CAMK4: variants seen among roughly 807,000 people sequenced by gnomAD.
CAMK4 encodes the protein calcium/calmodulin-dependent protein kinase type IV.
A neutral mutation model predicts 44.9 loss-of-function variants in CAMK4; 22 were observed. That is an observed-to-expected ratio of 0.49 (90% CI 0.35 to 0.70). The LOEUF (loss-of-function observed/expected upper bound fraction) is 0.70. Among genes scored for constraint, CAMK4 ranks in the 30% least tolerant of loss-of-function variants. The probability of loss-of-function intolerance (pLI) is 0.01; values close to 1 mark genes in which losing one functional copy is unlikely to be tolerated. For missense variants in CAMK4, 498 were observed against 586.8 expected, an observed-to-expected ratio of 0.85 and a Z score of 1.56; for synonymous variants, 218 against 215.4, an observed-to-expected ratio of 1.01 and a Z score of -0.11.
intron 1 of CAMK4, among the ~76,000 whole-genome samples, chr5:111,310,232 C>A (rs1441300357): frequency 6.6e-6 from 1 of 152,188 alleles, no homozygotes; most frequent in East Asian, 1.9e-4. Context: ...ATCACTGTTT[C>A]TACCTCCTCA....
intron 2 of CAMK4, among the ~76,000 whole-genome samples, chr5:111,351,884 G>A (rs1750124013): frequency 6.6e-6 from 1 of 152,118 alleles, no homozygotes; most frequent in South Asian, 2.1e-4. Flanking sequence ...AGTTCTGGAG[G>A]CTGAGAAGTC....
chr5:111,225,104 C>T (rs1160102048), intron 1 of CAMK4, among the ~76,000 whole-genome samples: 1 of 152,170 alleles, frequency 6.6e-6, no homozygotes, highest in Admixed American at 6.5e-5. Flanking sequence ...AAGCAAGTGA[C>T]ACGAGAAATT....
intron 4 of CAMK4, among the ~76,000 whole-genome samples, chr5:111,391,169 T>C (rs1285095125): frequency 6.6e-6 from 1 of 152,072 alleles, no homozygotes; most frequent in Non-Finnish European, 1.5e-5. Context: ...GAAAAACTGC[T>C]AGGAAGAGAA....
At chr5:111,399,923 G>T (rs1752161122) in intron 5 of CAMK4, among the ~76,000 whole-genome samples, 1 of 152,066 alleles carries the variant, frequency 6.6e-6, no homozygotes, top group African/African-American at 2.4e-5. Context: ...TTCAATTGGT[G>T]AAAAATGGAT....
At chr5:111,281,758 C>T (rs899567184) in intron 1 of CAMK4, among the ~76,000 whole-genome samples, 2 of 152,170 alleles carry the variant, frequency 1.3e-5, no homozygotes, top group Admixed American at 6.5e-5. Context: ...CTAAAATTGA[C>T]AAGAAATTTT....
chr5:111,431,903 A>G (rs941654573), intron 5 of CAMK4, among the ~76,000 whole-genome samples: 2 of 152,108 alleles, frequency 1.3e-5, no homozygotes, highest in Non-Finnish European at 2.9e-5. Flanking sequence ...CCCTTGTACA[A>G]CGTTGTTGAG....
intron 5 of CAMK4, among the ~76,000 whole-genome samples, chr5:111,397,260 T>C (rs986559981): frequency 1.3e-5 from 2 of 152,172 alleles, no homozygotes; most frequent in Admixed American, 1.3e-4. Context: ...TTTAGTCTTG[T>C]AAAATAGGCA....
intron 5 of CAMK4, among the ~76,000 whole-genome samples, chr5:111,401,339 A>C (rs1486624862): frequency 6.6e-6 from 1 of 152,112 alleles, no homozygotes. Flanking sequence ...GGATTTCACT[A>C]TGTAGGCCAG....
At chr5:111,445,687 C>T (rs1299418559) in intron 5 of CAMK4, among the ~76,000 whole-genome samples, 2 of 152,118 alleles carry the variant, frequency 1.3e-5, no homozygotes, top group African/African-American at 4.8e-5. Context: ...CTCGGCCCAC[C>T]GAATTGCTGG....
intron 1 of CAMK4, among the ~76,000 whole-genome samples, chr5:111,281,221 C>T (rs1432961631): frequency 6.6e-6 from 1 of 152,158 alleles, no homozygotes. Context: ...CTGATGGTGA[C>T]ATGCTGGACA....
At chr5:111,399,832 C>T (rs1202324632) in intron 5 of CAMK4, among the ~76,000 whole-genome samples, 2 of 152,166 alleles carry the variant, frequency 1.3e-5, no homozygotes, top group African/African-American at 2.4e-5. Flanking sequence ...CAGATCAGCT[C>T]TTGATTCTTT....
At chr5:111,453,884 T>TGGCTCC (rs1754322687) in intron 7 of CAMK4, among the ~76,000 whole-genome samples, 2 of 151,946 alleles carry the variant, frequency 1.3e-5, no homozygotes, top group Non-Finnish European at 2.9e-5. Flanking sequence ...CTCCTGGCTC[T>TGGCTCC]TGGCCCTGGG....
intron 2 of CAMK4, among the ~76,000 whole-genome samples, chr5:111,349,539 G>A (rs1320132079): frequency 1.3e-5 from 2 of 151,834 alleles, no homozygotes; most frequent in African/African-American, 2.4e-5. Flanking sequence ...AAATAAATTC[G>A]AGAAAGTGTC....
At chr5:111,425,036 C>A (rs994602601) in intron 5 of CAMK4, among the ~76,000 whole-genome samples, 5 of 151,750 alleles carry the variant, frequency 3.3e-5, no homozygotes, top group Admixed American at 2.6e-4. Flanking sequence ...TGGTGGCATG[C>A]ACTTGTAGCC....
intron 1 of CAMK4, among the ~76,000 whole-genome samples, chr5:111,261,099 G>A (rs572972751): frequency 6.6e-6 from 1 of 152,130 alleles, no homozygotes; most frequent in Non-Finnish European, 1.5e-5. Context: ...CTCATATCTT[G>A]TCCAACCACT....
At chr5:111,483,732 C>G (rs919372905) in intron 10 of CAMK4, among the ~76,000 whole-genome samples, 3 of 152,058 alleles carry the variant, frequency 2.0e-5, no homozygotes, top group Non-Finnish European at 4.4e-5. Context: ...ACAAATACAC[C>G]GGGAAACACA....
At chr5:111,270,399 T>A (rs1750457519) in intron 1 of CAMK4, among the ~76,000 whole-genome samples, 1 of 152,194 alleles carries the variant, frequency 6.6e-6, no homozygotes, top group South Asian at 2.1e-4. Context: ...CTCCCTCTAG[T>A]TGCTGCCATG....
chr5:111,282,067 AAAAG>A (rs898387295), intron 1 of CAMK4, among the ~76,000 whole-genome samples: 3 of 152,180 alleles, frequency 2.0e-5, no homozygotes, highest in Non-Finnish European at 4.4e-5. Flanking sequence ...AAAAAAAAAA[AAAAG>A]AAATTTTCTG....
intron 2 of CAMK4, among the ~76,000 whole-genome samples, chr5:111,346,143 A>G (rs1749854231): frequency 6.6e-6 from 1 of 151,950 alleles, no homozygotes; most frequent in African/African-American, 2.4e-5. Context: ...ACGGAGACTG[A>G]AACTTCCTTG....
Sources: gnomAD v4.1 joint callset for allele counts (sites outside exome capture counted in the v4.1 genomes callset) on GRCh38, gnomAD v4.1.1 for gene constraint, MANE v1.5 for transcripts, NCBI Gene and HGNC (gene_info 2026-07-23, HGNC 2026-07-21) for gene names.